The following TENM2 variants were observed in gnomAD, a reference collection of about 807,000 sequenced individuals.
TENM2 encodes the protein teneurin-2.
TENM2 carries 52 observed loss-of-function variants against 245.2 expected under a neutral mutation model. That is an observed-to-expected ratio of 0.21 (90% CI 0.17 to 0.27). TENM2 has a LOEUF of 0.27. Ranked by LOEUF, TENM2 falls within the 10% of genes least tolerant of loss-of-function variation. TENM2 has a pLI of 1.00. For missense variants in TENM2, 3,046 were observed against 3,666.8 expected (o/e 0.83, Z 4.37); for synonymous variants, 1,363 against 1,438.9 (o/e 0.95, Z 1.19).
intron 3 of TENM2, among the ~76,000 whole-genome samples, chr5:167,922,361 A>G (rs1777436624): frequency 6.6e-6 from 1 of 151,876 alleles, no homozygotes; most frequent in South Asian, 2.1e-4. Flanking sequence ...TGGCCCCTGC[A>G]GCTCCATAGT....
chr5:167,776,360 G>A (rs559633543), intron 2 of TENM2, among the ~76,000 whole-genome samples: 14 of 151,708 alleles, frequency 9.2e-5, no homozygotes, highest in Admixed American at 3.3e-4. Flanking sequence ...GCTTTGGGAG[G>A]CCAAGGCAGG....
intron 5 of TENM2, among the ~76,000 whole-genome samples, chr5:168,022,347 C>G (rs1327561116): frequency 6.6e-6 from 1 of 152,212 alleles, no homozygotes; most frequent in Non-Finnish European, 1.5e-5. Flanking sequence ...AGATTGTGAA[C>G]ATCAATAGTT....
chr5:167,843,879 T>C (rs912546772), intron 2 of TENM2, among the ~76,000 whole-genome samples: 1 of 152,222 alleles, frequency 6.6e-6, no homozygotes, highest in East Asian at 1.9e-4. Context: ...ATTGCTACTT[T>C]GTGTTATCAA....
chr5:167,938,451 G>A (rs1778907912), intron 3 of TENM2: 1 of 152,050 alleles, frequency 6.6e-6, no homozygotes, highest in Admixed American at 6.5e-5. Context: ...CAACATACAT[G>A]GAAAAGTAAA....
At chr5:167,819,898 C>T (rs1767377155) in intron 2 of TENM2, among the ~76,000 whole-genome samples, 1 of 152,212 alleles carries the variant, frequency 6.6e-6, no homozygotes. Flanking sequence ...CTCCATCCAG[C>T]TAGGAAGGTT....
At chr5:168,261,990 T>G (rs1288329103) in intron 28 of TENM2, 59 bp from the exon 31 acceptor site, 1 of 1,543,312 alleles carries the variant, frequency 6.5e-7, no homozygotes, top group Non-Finnish European at 8.8e-7. Context: ...TTTGTGACTC[T>G]TTTTGAGAGA....
chr5:167,060,777 T>C, the TENM2 span, among the ~76,000 whole-genome samples: 1 of 152,166 alleles, frequency 6.6e-6, no homozygotes, highest in South Asian at 2.1e-4. Context: ...ATATTTTATA[T>C]GCTTGTTTTT....
intron 2 of TENM2, among the ~76,000 whole-genome samples, chr5:167,381,895 G>A (rs753905863): frequency 1.3e-5 from 2 of 152,096 alleles, no homozygotes; most frequent in East Asian, 1.9e-4. Context: ...TTCTAAAATG[G>A]TTTTAAGGCA....
chr5:167,694,842 GA>G (rs1224066746), intron 2 of TENM2, among the ~76,000 whole-genome samples: 15 of 151,458 alleles, frequency 9.9e-5, no homozygotes, highest in East Asian at 3.9e-4. Context: ...TTTACATGCA[GA>G]AAAAAAAATT....
At chr5:167,194,156 C>T in the TENM2 span, among the ~76,000 whole-genome samples, 1 of 152,088 alleles carries the variant, frequency 6.6e-6, no homozygotes, top group Non-Finnish European at 1.5e-5. Flanking sequence ...GCCGCCTACA[C>T]CCTTTGCTGA....
the TENM2 span, among the ~76,000 whole-genome samples, chr5:167,075,232 C>A: frequency 2.0e-5 from 3 of 151,962 alleles, no homozygotes; most frequent in African/African-American, 7.3e-5. Context: ...TGGGGGAGAA[C>A]CTGGTAGAAT....
chr5:168,225,776 A>AAAAG lies in TENM2; in HGVS notation c.5109-308_5109-305dup, dbSNP rs1253429583. 4.3e-4 allele frequency among the ~76,000 whole-genome samples: 66 copies of AAAAG among 151,976 alleles called. 3 individuals carry two copies. Among genetic ancestry groups the AAAAG allele is most frequent in the Middle Eastern group, 6.8e-3 (2 of 294 alleles). On this transcript the variant is annotated intron_variant, in intron 23 of 28. Coordinates refer to ENST00000518659, the Ensembl canonical transcript of TENM2. ...TCCATCATCTCAAAAAAAAAAAAAA[A>AAAAG]AAAGAAAAGAAACAGAAAAGTAAGA...
chr5:167,931,617 C>A (rs1778298541), intron 3 of TENM2, among the ~76,000 whole-genome samples: 1 of 151,720 alleles, frequency 6.6e-6, no homozygotes, highest in African/African-American at 2.4e-5. Flanking sequence ...CATATGTTCC[C>A]CGGGTGGAGA....
chr5:167,801,931 G>C (rs939984024), intron 2 of TENM2, among the ~76,000 whole-genome samples: 3 of 82,100 alleles, frequency 3.7e-5, no homozygotes, highest in African/African-American at 8.0e-5. Context: ...CACACACACA[G>C]GGTAATTTAT....
chr5:167,875,800 C>G (rs1418727344), intron 2 of TENM2, among the ~76,000 whole-genome samples, 186 bp from the exon 5 acceptor site: 1 of 151,906 alleles, frequency 6.6e-6, no homozygotes, highest in Non-Finnish European at 1.5e-5. Context: ...ATGCAACTAC[C>G]TAAAATATGA....
At chr5:168,012,027 TG>T (rs1247827199) in intron 5 of TENM2, among the ~76,000 whole-genome samples, 1 of 152,234 alleles carries the variant, frequency 6.6e-6, no homozygotes, top group Non-Finnish European at 1.5e-5. Context: ...TCTGTTTAAC[TG>T]CAAAGCTCAC....
intron 5 of TENM2, among the ~76,000 whole-genome samples, chr5:168,007,404 CA>C (rs1784907284): frequency 6.6e-6 from 1 of 152,208 alleles, no homozygotes; most frequent in Non-Finnish European, 1.5e-5. Flanking sequence ...GCTGGGATTC[CA>C]GGTGTGAGCC....
chr5:167,227,197 G>GT, the TENM2 span, among the ~76,000 whole-genome samples: 2 of 151,790 alleles, frequency 1.3e-5, no homozygotes, highest in Non-Finnish European at 2.9e-5. Flanking sequence ...GATAAGTGTG[G>GT]TTTTTTTCCT....
chr5:167,826,450 C>G (rs1368272144), intron 2 of TENM2, among the ~76,000 whole-genome samples: 1 of 152,174 alleles, frequency 6.6e-6, no homozygotes, highest in Non-Finnish European at 1.5e-5. Flanking sequence ...CCTTGATAGA[C>G]TCTGCAAAAG....
Sources: allele counts gnomAD v4.1 joint callset (sites outside exome capture counted in the v4.1 genomes callset), GRCh38; gene constraint gnomAD v4.1.1; transcripts MANE v1.5; gene names NCBI Gene and HGNC (gene_info 2026-07-23, HGNC 2026-07-21).